The following CATSPERT variants were observed in gnomAD, a reference collection of about 807,000 sequenced individuals.
CATSPERT encodes cation channel sperm-associated targeting subunit tau.
At chr2:201,600,623 A>G in the CATSPERT span, among the ~76,000 whole-genome samples, 209 of 152,304 alleles carry the variant, frequency 1.4e-3, no homozygotes, top group Non-Finnish European at 2.7e-3. Context: ...CTCAACACTT[A>G]AACAGATAAA....
chr2:201,580,274 T>A, the CATSPERT span, among the ~76,000 whole-genome samples: 1 of 152,226 alleles, frequency 6.6e-6, no homozygotes. Context: ...TTGGTTAAAG[T>A]GGCAACTACC....
At chr2:201,513,723 T>C in the CATSPERT span, among the ~76,000 whole-genome samples, 1 of 152,228 alleles carries the variant, frequency 6.6e-6, no homozygotes. Flanking sequence ...ATGTGGTACA[T>C]ACACACTATG....
chr2:201,548,233 G>A, the CATSPERT span, among the ~76,000 whole-genome samples: 2 of 152,026 alleles, frequency 1.3e-5, no homozygotes, highest in African/African-American at 4.8e-5. Flanking sequence ...CAGTTCTAGA[G>A]GCCAGGAATT....
chr2:201,576,899 C>T, the CATSPERT span, among the ~76,000 whole-genome samples: 6 of 152,192 alleles, frequency 3.9e-5, no homozygotes, highest in Non-Finnish European at 5.9e-5. Flanking sequence ...GTACTTCTCG[C>T]ATCTCTCAGG....
chr2:201,536,953 T>C, the CATSPERT span, among the ~76,000 whole-genome samples: 1 of 149,280 alleles, frequency 6.7e-6, no homozygotes, highest in Admixed American at 6.6e-5. Flanking sequence ...TACTCTTCAC[T>C]GATTTACATG....
At chr2:201,498,488 T>G in the CATSPERT span, among the ~76,000 whole-genome samples, 4 of 152,144 alleles carry the variant, frequency 2.6e-5, no homozygotes, top group African/African-American at 9.7e-5. Context: ...GAGCTGGCAC[T>G]GACTGGACAG....
the CATSPERT span, among the ~76,000 whole-genome samples, chr2:201,572,845 C>A: frequency 6.6e-6 from 1 of 152,124 alleles, no homozygotes; most frequent in Non-Finnish European, 1.5e-5. Context: ...ATCATTATAA[C>A]ATAATATAGG....
At chr2:201,530,662 C>T in the CATSPERT span, among the ~76,000 whole-genome samples, 1 of 152,244 alleles carries the variant, frequency 6.6e-6, no homozygotes, top group East Asian at 1.9e-4. Context: ...TTAATGATGT[C>T]ACATATATCA....
At chr2:201,563,283 C>T in the CATSPERT span, among the ~76,000 whole-genome samples, 2 of 144,668 alleles carry the variant, frequency 1.4e-5, 1 homozygote, top group African/African-American at 5.2e-5. Context: ...AGGCGCCCCT[C>T]ACCTCCCGGA....
At chr2:201,618,983 A>G in the CATSPERT span, 34 of 1,613,894 alleles carry the variant, frequency 2.1e-5, no homozygotes, top group African/African-American at 4.0e-5. Context: ...TAAGGGACCG[A>G]AGAAGCCTCC....
At chr2:201,520,030 G>C in the CATSPERT span, among the ~76,000 whole-genome samples, 2 of 152,110 alleles carry the variant, frequency 1.3e-5, no homozygotes. Flanking sequence ...ACCTATATCA[G>C]ACAAAACAGA....
chr2:201,552,270 C>T, the CATSPERT span, among the ~76,000 whole-genome samples: 2 of 152,174 alleles, frequency 1.3e-5, no homozygotes, highest in Admixed American at 1.3e-4. Context: ...CCACTGCGCC[C>T]AGCCCTTGTA....
the CATSPERT span, chr2:201,535,745 G>GA: frequency 1.5e-6 from 2 of 1,346,858 alleles, no homozygotes; most frequent in Admixed American, 7.0e-5. Flanking sequence ...GGAGACATTT[G>GA]AATGCATTTT....
At chr2:201,547,347 T>G in the CATSPERT span, among the ~76,000 whole-genome samples, 1 of 152,104 alleles carries the variant, frequency 6.6e-6, no homozygotes, top group African/African-American at 2.4e-5. Flanking sequence ...AAATATTCAT[T>G]GAATGGCACA....
chr2:201,594,474 A>G, the CATSPERT span, among the ~76,000 whole-genome samples: 8 of 151,850 alleles, frequency 5.3e-5, no homozygotes, highest in Non-Finnish European at 8.8e-5. Flanking sequence ...TGCTCTTCTC[A>G]AGGAGTATCT....
chr2:201,568,445 C>A, the CATSPERT span, among the ~76,000 whole-genome samples: 1 of 152,234 alleles, frequency 6.6e-6, no homozygotes, highest in East Asian at 1.9e-4. Flanking sequence ...TCCTGATGGT[C>A]TTTATTAGCA....
the CATSPERT span, chr2:201,601,698 T>C: frequency 6.4e-7 from 1 of 1,555,406 alleles, no homozygotes; most frequent in Non-Finnish European, 8.7e-7. Context: ...TTTGGAACTA[T>C]AAGGAGCCAT....
chr2:201,611,149 T>C, the CATSPERT span, among the ~76,000 whole-genome samples: 1 of 152,124 alleles, frequency 6.6e-6, no homozygotes, highest in Non-Finnish European at 1.5e-5. Context: ...GGCATCCAAA[T>C]TGGAAAAGGG....
the CATSPERT span, among the ~76,000 whole-genome samples, chr2:201,608,210 C>T: frequency 1.3e-5 from 2 of 152,070 alleles, no homozygotes; most frequent in Admixed American, 1.3e-4. Flanking sequence ...TGCAGTGGTA[C>T]AATCATAGCT....
Sources: gnomAD v4.1 joint callset for allele counts (sites outside exome capture counted in the v4.1 genomes callset) on GRCh38, gnomAD v4.1.1 for gene constraint, MANE v1.5 for transcripts, NCBI Gene and HGNC (gene_info 2026-07-23, HGNC 2026-07-21) for gene names.